The following ERC2 variants were observed in gnomAD, a reference collection of about 807,000 sequenced individuals.
ERC2 encodes ERC protein 2.
ERC2 carries 42 observed loss-of-function variants against 114.8 expected under a neutral mutation model. That is an observed-to-expected ratio of 0.37 (90% CI 0.29 to 0.47). The LOEUF (loss-of-function observed/expected upper bound fraction) is 0.47, where lower values mean the gene tolerates loss of function less well. Among genes scored for constraint, ERC2 ranks in the 20% least tolerant of loss-of-function variants. The pLI is 0.99. For synonymous variants in ERC2, 454 were observed against 425.5 expected (o/e 1.07, Z -0.82); for missense variants, 939 against 1,150.7 (o/e 0.82, Z 2.66).
intron 14 of ERC2, among the ~76,000 whole-genome samples, chr3:55,806,851 G>T (rs937741069): frequency 2.0e-5 from 3 of 152,198 alleles, no homozygotes; most frequent in African/African-American, 7.2e-5. Context: ...CTCAGCTTCA[G>T]TGTGTTTATC....
chr3:55,762,445 C>T (rs2067507757), intron 14 of ERC2, among the ~76,000 whole-genome samples: 1 of 152,158 alleles, frequency 6.6e-6, no homozygotes, highest in East Asian at 1.9e-4. Context: ...ATGTGTGTTC[C>T]AATATCATAC....
At chr3:56,003,046 A>G (rs2072197820) in intron 10 of ERC2, 2 of 1,252,868 alleles carry the variant, frequency 1.6e-6, no homozygotes, top group Non-Finnish European at 1.0e-6. Flanking sequence ...CTGGTGATCA[A>G]TGGATCCTCA....
chr3:55,906,439 A>C (rs1044388243), intron 13 of ERC2, among the ~76,000 whole-genome samples: 1 of 150,856 alleles, frequency 6.6e-6, no homozygotes, highest in Non-Finnish European at 1.5e-5. Flanking sequence ...CTCAAAAAAA[A>C]AAAAAAAAAA....
At chr3:56,221,481 C>G (rs1375869775) in intron 3 of ERC2, among the ~76,000 whole-genome samples, 1 of 151,996 alleles carries the variant, frequency 6.6e-6, no homozygotes, top group East Asian at 1.9e-4. Context: ...TACACAGAGT[C>G]CTGCACAGCA....
At position 56,466,466 on chromosome 3, in the gene ERC2, T is replaced by C. The variant is rs569314282; in HGVS notation, c.-141+1782A>G. On this transcript the variant is annotated intron_variant, in intron 1 of 17. Coordinates refer to ENST00000288221, the MANE Select transcript of ERC2 (RefSeq NM_015576.3). ...GTGAAAGTCTTGCTGGTGAAAACCA[T>C]GACACCATCACCTTCCACACCCCTC... 1.8e-4 allele frequency among the ~76,000 whole-genome samples: 28 copies of C among 152,292 alleles called. 1 individual carries two copies. The South Asian group carries it at 4.6e-3, about 25-fold the overall frequency.
chr3:56,369,162 C>T (rs2059266689), intron 2 of ERC2, among the ~76,000 whole-genome samples: 1 of 152,170 alleles, frequency 6.6e-6, no homozygotes. Flanking sequence ...CTGTAGAGTC[C>T]TAGTTGTTGT....
At chr3:56,046,914 G>GAATTTACAAAGTA (rs1291638862) in intron 7 of ERC2, among the ~76,000 whole-genome samples, 1 of 152,198 alleles carries the variant, frequency 6.6e-6, no homozygotes, top group African/African-American at 2.4e-5. Context: ...AGCACATGCA[G>GAATTTACAAAGTA]AATTTACAAA....
intron 7 of ERC2, among the ~76,000 whole-genome samples, chr3:56,037,634 A>G (rs549116564): frequency 4.6e-5 from 7 of 152,340 alleles, no homozygotes; most frequent in African/African-American, 1.7e-4. Flanking sequence ...ATACTTCAGG[A>G]TATCATCCAG....
At chr3:55,771,787 C>T (rs1286054141) in intron 14 of ERC2, among the ~76,000 whole-genome samples, 1 of 152,238 alleles carries the variant, frequency 6.6e-6, no homozygotes, top group Non-Finnish European at 1.5e-5. Context: ...CTCTGCCCCA[C>T]AGCAGGCCTG....
chr3:55,885,242 T>C (rs745559431), intron 14 of ERC2, among the ~76,000 whole-genome samples: 13 of 152,230 alleles, frequency 8.5e-5, no homozygotes, highest in Non-Finnish European at 1.8e-4. Context: ...CATCTGACTG[T>C]TCCCACGAAC....
intron 10 of ERC2, among the ~76,000 whole-genome samples, chr3:55,992,646 A>G (rs1414892636): frequency 6.6e-6 from 1 of 152,224 alleles, no homozygotes; most frequent in Non-Finnish European, 1.5e-5. Context: ...TCCATTTCCA[A>G]TACAAAGACA....
chr3:55,803,921 A>T (rs1334907483), intron 14 of ERC2, among the ~76,000 whole-genome samples: 1 of 152,172 alleles, frequency 6.6e-6, no homozygotes, highest in East Asian at 1.9e-4. Flanking sequence ...GACAGACATC[A>T]CTAATTTATC....
intron 13 of ERC2, among the ~76,000 whole-genome samples, chr3:55,928,621 C>T (rs1157104345): frequency 2.0e-5 from 3 of 151,938 alleles, no homozygotes. Flanking sequence ...TGATGTAATC[C>T]CACTTGTCCA....
chr3:55,827,075 G>A (rs1266204461), intron 14 of ERC2, among the ~76,000 whole-genome samples: 2 of 152,172 alleles, frequency 1.3e-5, no homozygotes, highest in East Asian at 1.9e-4. Context: ...GAAGTAACAC[G>A]GTCTAATTGT....
At chr3:56,291,186 T>C (rs1388157970) in intron 3 of ERC2, among the ~76,000 whole-genome samples, 1 of 152,204 alleles carries the variant, frequency 6.6e-6, no homozygotes, top group African/African-American at 2.4e-5. Context: ...CTAAAACTTC[T>C]AGATGGAACA....
chr3:55,851,666 A>AT (rs1341011277), intron 14 of ERC2, among the ~76,000 whole-genome samples: 1 of 151,874 alleles, frequency 6.6e-6, no homozygotes, highest in Admixed American at 6.6e-5. Flanking sequence ...ATAAATACAT[A>AT]TTTTTTGCTT....
chr3:56,191,563 T>C (rs945741029), intron 3 of ERC2, among the ~76,000 whole-genome samples: 3 of 152,092 alleles, frequency 2.0e-5, no homozygotes, highest in Non-Finnish European at 4.4e-5. Context: ...GTGAAGTGAC[T>C]TGCCTAAGTG....
At chr3:56,448,803 C>T (rs1325942482) in intron 1 of ERC2, among the ~76,000 whole-genome samples, 5 of 152,068 alleles carry the variant, frequency 3.3e-5, no homozygotes, top group South Asian at 2.1e-4. Context: ...TGGCCGGGCG[C>T]GGTGGCTCAC....
At chr3:56,148,741 A>G (rs2081272242) in intron 5 of ERC2, among the ~76,000 whole-genome samples, 1 of 152,246 alleles carries the variant, frequency 6.6e-6, no homozygotes, top group African/African-American at 2.4e-5. Context: ...TACCAAAGGA[A>G]CTCCTAATTA....
Sources: gnomAD v4.1 joint callset for allele counts (sites outside exome capture counted in the v4.1 genomes callset) on GRCh38, gnomAD v4.1.1 for gene constraint, MANE v1.5 for transcripts, NCBI Gene and HGNC (gene_info 2026-07-23, HGNC 2026-07-21) for gene names.